LRRC1: variants seen among roughly 807,000 people sequenced by gnomAD.
LRRC1 encodes the protein leucine rich repeat containing 1.
A neutral mutation model predicts 69.9 loss-of-function variants in LRRC1; 28 were observed. The ratio of observed to expected loss-of-function variants is 0.40; its 90% confidence interval spans 0.30 to 0.55. The LOEUF (loss-of-function observed/expected upper bound fraction) is 0.55. Ranked by LOEUF, LRRC1 falls within the 20% of genes least tolerant of loss-of-function variation. LRRC1 has a pLI of 0.47. For synonymous variants in LRRC1, 236 were observed against 240.2 expected (o/e 0.98, Z 0.16); for missense variants, 498 against 609.0 (o/e 0.82, Z 1.92).
intron 2 of LRRC1, among the ~76,000 whole-genome samples, chr6:53,877,654 G>A (rs1328290640): frequency 6.6e-6 from 1 of 152,108 alleles, no homozygotes; most frequent in Admixed American, 6.6e-5. Context: ...GCAAAATGCT[G>A]CCAGTCTCTT....
Position 53,827,356 on chromosome 6 carries a change from A to T in LRRC1, c.160-14754A>T, listed in dbSNP as rs577726310. Among the ~76,000 whole-genome samples, 3 of 151,194 alleles carry T rather than the reference A, an allele frequency of 2.0e-5. No homozygotes were observed. In the East Asian group the frequency reaches 5.8e-4, roughly 29 times the overall value. On this transcript the variant is annotated intron_variant, in intron 1 of 13. Transcript: ENST00000370888. ...TGAAGTAGTGTCATGTTACTTCACT[A>T]GACAACTAGCATTGAATATCTATTG...
chr6:53,844,086 T>G (rs1765867622), intron 2 of LRRC1, among the ~76,000 whole-genome samples: 1 of 151,866 alleles, frequency 6.6e-6, no homozygotes, highest in Non-Finnish European at 1.5e-5. Context: ...TCGCTTACAC[T>G]GGAGTATGGG....
intron 2 of LRRC1, among the ~76,000 whole-genome samples, chr6:53,870,750 A>G (rs1766855759): frequency 6.6e-6 from 1 of 152,158 alleles, no homozygotes; most frequent in African/African-American, 2.4e-5. Flanking sequence ...CTCTTATCTT[A>G]CTGTAACTTT....
intron 4 of LRRC1, among the ~76,000 whole-genome samples, chr6:53,894,279 G>A (rs1767797352): frequency 6.6e-6 from 1 of 152,178 alleles, no homozygotes; most frequent in Non-Finnish European, 1.5e-5. Context: ...TTACTAACCA[G>A]ATGAGATGGC....
chr6:53,903,240 C>T (rs926560493), intron 9 of LRRC1, among the ~76,000 whole-genome samples: 1 of 152,112 alleles, frequency 6.6e-6, no homozygotes, highest in Admixed American at 6.5e-5. Context: ...ATCTGATGGG[C>T]TCTGGTTAAG....
chr6:53,883,778 C>T (rs1767378175), intron 4 of LRRC1, among the ~76,000 whole-genome samples: 1 of 152,186 alleles, frequency 6.6e-6, no homozygotes. Flanking sequence ...AATGATTTTC[C>T]TTGTTTGTAC....
intron 12 of LRRC1, 99 bp downstream of exon 12, chr6:53,919,769 T>C (rs1489992653): frequency 1.8e-6 from 2 of 1,131,990 alleles, no homozygotes; most frequent in Non-Finnish European, 2.5e-6. Flanking sequence ...GATTGTGTTA[T>C]ATCCAGTCTG....
In LRRC1 at chr6:53,795,043, T is replaced by G; in HGVS notation, c.-214T>G. 2.5e-6 allele frequency: 1 copy of G among 393,984 alleles called. No individual in the cohort carries two copies. 24.4% of individuals were successfully genotyped at this position (393,984 alleles called of 1,614,324 possible). ...GGCGGGTGGGAGTGGAGGCACCGGC[T>G]GGCGGGCGGGGGTACAGGGACGGGG... On this transcript the variant is annotated 5_prime_UTR_variant, in exon 1 of 14. Transcript: ENST00000370888.
chr6:53,918,997 T>A (rs1768652951), intron 11 of LRRC1: 1 of 152,296 alleles, frequency 6.6e-6, no homozygotes, highest in Non-Finnish European at 1.5e-5. Flanking sequence ...TTATTTTGGC[T>A]GCAACTTAAA....
rs531640928 is a variant in LRRC1 at position 53,900,280 on chromosome 6, G to A, written c.787+389G>A. Among the ~76,000 whole-genome samples, 86 of 151,988 alleles carry A rather than the reference G, an allele frequency of 5.7e-4. 2 individuals are homozygous for A. The highest frequency in any genetic ancestry group is 1.8e-3 in the African/African-American group (75 of 41,438). On this transcript the variant is annotated intron_variant, in intron 8 of 13. Coordinates refer to ENST00000370888, the MANE Select transcript of LRRC1 (RefSeq NM_018214.5). ...TCTCGTTCTCCTGACCTCGTGATCCGCCCGCCTCCGCCTCCCAAAGTGCTG... is the reference window on the plus strand; with the variant it reads ...TCTCGTTCTCCTGACCTCGTGATCCACCCGCCTCCGCCTCCCAAAGTGCTG...
In LRRC1 at chr6:53,919,495, C is replaced by G; in HGVS notation, c.1107-3C>G. The G allele has an allele frequency of 8.1e-7, 1 of 1,237,818 alleles. No individual in the cohort carries two copies. The highest frequency in any genetic ancestry group is 1.1e-6 in the Non-Finnish European group (1 of 950,424). The allele number at this position is 1,237,818 out of a possible 1,614,324, so 76.7% of individuals were successfully genotyped here. A position where few individuals can be genotyped will look rare whatever the true frequency, so the allele number is the denominator to read the frequency against. ...CTTTTTTTAAAAAAAAAAAAAAAAACAGGTTGCTGCATCTACCTTTATCCC... is the reference window on the plus strand; with the variant it reads ...CTTTTTTTAAAAAAAAAAAAAAAAAGAGGTTGCTGCATCTACCTTTATCCC... On this transcript the variant is annotated splice_polypyrimidine_tract_variant and splice_region_variant and intron_variant, in intron 11 of 13. Coordinates refer to ENST00000370888, the MANE Select transcript of LRRC1 (RefSeq NM_018214.5).
intron 2 of LRRC1, among the ~76,000 whole-genome samples, chr6:53,855,852 C>T (rs1298270418): frequency 2.6e-5 from 4 of 152,194 alleles, no homozygotes; most frequent in Non-Finnish European, 5.9e-5. Flanking sequence ...TTCTGCTCTT[C>T]CTCCTCATCA....
chr6:53,845,253 C>T (rs1190302439), intron 2 of LRRC1, among the ~76,000 whole-genome samples: 1 of 152,150 alleles, frequency 6.6e-6, no homozygotes, highest in Admixed American at 6.5e-5. Flanking sequence ...AGCAGAAGAA[C>T]AAGGTCACTA....
At chr6:53,796,995 T>A (rs992265123) in intron 1 of LRRC1, among the ~76,000 whole-genome samples, 4 of 152,216 alleles carry the variant, frequency 2.6e-5, no homozygotes, top group Admixed American at 2.6e-4. Flanking sequence ...GAGTGAAAAG[T>A]TATTCACTAG....
chr6:53,868,866 C>T (rs1766792280), intron 2 of LRRC1, among the ~76,000 whole-genome samples: 1 of 152,194 alleles, frequency 6.6e-6, no homozygotes, highest in Non-Finnish European at 1.5e-5. Flanking sequence ...TCAAATATCA[C>T]ATTCATGCCT....
At chr6:53,891,933 A>C (rs1336122015) in intron 4 of LRRC1, among the ~76,000 whole-genome samples, 1 of 150,994 alleles carries the variant, frequency 6.6e-6, no homozygotes, top group Non-Finnish European at 1.5e-5. Flanking sequence ...CGGAGGTTGC[A>C]GTGAGCCAAG....
At chr6:53,831,447 A>G (rs1282725639) in intron 1 of LRRC1, among the ~76,000 whole-genome samples, 2 of 152,160 alleles carry the variant, frequency 1.3e-5, no homozygotes, top group Non-Finnish European at 2.9e-5. Flanking sequence ...CCTTGAAACA[A>G]ACTTTCCAGA....
At chr6:53,850,270 A>G (rs1766085350) in intron 2 of LRRC1, among the ~76,000 whole-genome samples, 1 of 152,184 alleles carries the variant, frequency 6.6e-6, no homozygotes, top group Non-Finnish European at 1.5e-5. Context: ...CTGATGTGAA[A>G]AAGACATGAA....
At chr6:53,817,720 T>C (rs530250032) in intron 1 of LRRC1, among the ~76,000 whole-genome samples, 1 of 152,298 alleles carries the variant, frequency 6.6e-6, no homozygotes, top group Admixed American at 6.5e-5. Flanking sequence ...ATAGGCATAA[T>C]GGGTTAAGAC....
Sources: allele counts gnomAD v4.1 joint callset (sites outside exome capture counted in the v4.1 genomes callset), GRCh38; gene constraint gnomAD v4.1.1; transcripts MANE v1.5; gene names NCBI Gene and HGNC (gene_info 2026-07-23, HGNC 2026-07-21).